The following AGTPBP1 variants were observed in gnomAD, a reference collection of about 807,000 sequenced individuals.
AGTPBP1 encodes cytosolic carboxypeptidase 1.
A neutral mutation model predicts 143.9 loss-of-function variants in AGTPBP1; 70 were observed. That is an observed-to-expected ratio of 0.49 (90% CI 0.40 to 0.59). The LOEUF is 0.59. Ranked by LOEUF, AGTPBP1 falls within the 20% of genes least tolerant of loss-of-function variation. AGTPBP1 has a pLI of 0.00. For synonymous variants in AGTPBP1, 463 were observed against 500.2 expected (o/e 0.93, Z 0.99); for missense variants, 1,229 against 1,464.5 (o/e 0.84, Z 2.62).
the AGTPBP1 span, chr9:85,773,771 A>T: frequency 1.2e-6 from 1 of 843,074 alleles, no homozygotes; most frequent in Admixed American, 2.6e-5. Flanking sequence ...AAGTAGCCTA[A>T]GAAAAGTAGA....
chr9:85,692,956 G>A lies in AGTPBP1; in HGVS notation c.33-143C>T, dbSNP rs371332618. On this transcript the variant is annotated intron_variant, in intron 2 of 25. Coordinates refer to ENST00000357081, the MANE Select transcript of AGTPBP1 (RefSeq NM_001330701.2). Reference sequence around the variant, plus strand: ...TCGCACTTCCTTACTCTGTTCTATAGCTTAATATAGCTTAATATTGTTCTA... The same window carrying A: ...TCGCACTTCCTTACTCTGTTCTATAACTTAATATAGCTTAATATTGTTCTA... 1.9e-5 allele frequency: 14 copies of A among 750,774 alleles called. 1 individual carries two copies. In the African/African-American group the frequency reaches 2.1e-4, roughly 11 times the overall value. The allele number at this position is 750,774 out of a possible 1,614,324, so 46.5% of individuals were successfully genotyped here.
chr9:85,578,007 A>G (rs1828005523), intron 24 of AGTPBP1, among the ~76,000 whole-genome samples: 1 of 152,188 alleles, frequency 6.6e-6, no homozygotes, highest in South Asian at 2.1e-4. Context: ...CTCTTTCCCC[A>G]TAACAAAAGA....
the AGTPBP1 span, among the ~76,000 whole-genome samples, chr9:85,802,418 C>T: frequency 4.6e-5 from 7 of 152,122 alleles, no homozygotes; most frequent in Admixed American, 6.6e-5. Context: ...TGCACATGAG[C>T]AACTGAATAT....
intron 1 of AGTPBP1, among the ~76,000 whole-genome samples, chr9:85,723,188 G>A (rs1272854221): frequency 6.6e-6 from 1 of 152,238 alleles, no homozygotes; most frequent in East Asian, 1.9e-4. Context: ...GCCATGCTGG[G>A]AGAGCCACTG....
chr9:85,719,570 T>C (rs1837962969), intron 1 of AGTPBP1, among the ~76,000 whole-genome samples: 1 of 152,158 alleles, frequency 6.6e-6, no homozygotes, highest in Non-Finnish European at 1.5e-5. Context: ...GCTCAGACAA[T>C]GGGGTTTTCT....
At chr9:85,716,150 A>C (rs1461013277) in intron 1 of AGTPBP1, among the ~76,000 whole-genome samples, 1 of 152,122 alleles carries the variant, frequency 6.6e-6, no homozygotes, top group Non-Finnish European at 1.5e-5. Context: ...TCAACAACTA[A>C]TGATCCCCAT....
chr9:85,727,009 C>G (rs1461846282), intron 1 of AGTPBP1, among the ~76,000 whole-genome samples: 1 of 152,064 alleles, frequency 6.6e-6, no homozygotes, highest in Non-Finnish European at 1.5e-5. Flanking sequence ...TTGAGCACCC[C>G]AAATCTGAAC....
At chr9:85,573,456 A>C (rs969524496) in intron 25 of AGTPBP1, among the ~76,000 whole-genome samples, 3 of 151,640 alleles carry the variant, frequency 2.0e-5, no homozygotes, top group Non-Finnish European at 4.4e-5. Context: ...GCCCGCTACA[A>C]CCTCCACCTC....
intron 25 of AGTPBP1, among the ~76,000 whole-genome samples, chr9:85,569,389 A>G (rs111981618): frequency 6.6e-5 from 10 of 152,160 alleles, no homozygotes; most frequent in African/African-American, 2.4e-4. Flanking sequence ...TGAATATACT[A>G]TATTATATTA....
At chr9:85,799,022 CG>C in the AGTPBP1 span, among the ~76,000 whole-genome samples, 21 of 152,086 alleles carry the variant, frequency 1.4e-4, no homozygotes, top group African/African-American at 5.1e-4. Context: ...TGATGTTCCC[CG>C]CCCTGTGTCC....
In AGTPBP1 at chr9:85,623,291, A is replaced by G. The variant is rs563551197; in HGVS notation, c.2016-2006T>C. On this transcript the variant is annotated intron_variant, in intron 14 of 25. Transcript: ENST00000357081. ...TAAAGGCTGGCAATTGGTTTAAAAA[A>G]AAAAATGCCACTCTGCAAGTTAAGC... Among the ~76,000 whole-genome samples the G allele has an allele frequency of 2.3e-4, 35 of 152,158 alleles. 1 individual carries two copies. The highest frequency in any genetic ancestry group is 8.5e-4 in the African/African-American group (35 of 41,416).
At chr9:85,789,189 T>C in the AGTPBP1 span, among the ~76,000 whole-genome samples, 7,938 of 152,210 alleles carry the variant, frequency 0.052, 718 homozygotes, top group African/African-American at 0.18. Context: ...ACAGATTTCA[T>C]GCCACATATG....
At chr9:85,753,281 G>C in the AGTPBP1 span, 1 of 1,612,682 alleles carries the variant, frequency 6.2e-7, no homozygotes, top group South Asian at 1.1e-5. Context: ...AAGCAATAAG[G>C]TGTTTTCAAT....
chr9:85,752,420 TG>T, the AGTPBP1 span, among the ~76,000 whole-genome samples: 1 of 152,190 alleles, frequency 6.6e-6, no homozygotes, highest in East Asian at 1.9e-4. Context: ...ATGGATGTCT[TG>T]GGTGGAGTAA....
intron 17 of AGTPBP1, among the ~76,000 whole-genome samples, chr9:85,603,569 G>C (rs922513910): frequency 9.2e-5 from 14 of 152,192 alleles, no homozygotes; most frequent in African/African-American, 2.4e-5. Context: ...CTGGCTTCAG[G>C]GGGTGGCCAC....
At chr9:85,704,007 A>G (rs1346627816) in intron 2 of AGTPBP1, among the ~76,000 whole-genome samples, 1 of 152,218 alleles carries the variant, frequency 6.6e-6, no homozygotes, top group Non-Finnish European at 1.5e-5. Context: ...AAAGTTAAAT[A>G]AGACAGAAGC....
chr9:85,760,756 A>G, the AGTPBP1 span, among the ~76,000 whole-genome samples: 2 of 152,118 alleles, frequency 1.3e-5, no homozygotes, highest in African/African-American at 4.8e-5. Context: ...CATAGTGTTG[A>G]AAGTTCTGGC....
chr9:85,742,351 C>T (rs1824411500), upstream of AGTPBP1, among the ~76,000 whole-genome samples: 1 of 152,020 alleles, frequency 6.6e-6, no homozygotes, highest in South Asian at 2.1e-4. Context: ...ACTAAGCCCG[C>T]GCCCACCCCC....
At chr9:85,785,165 T>C in the AGTPBP1 span, among the ~76,000 whole-genome samples, 78 of 152,126 alleles carry the variant, frequency 5.1e-4, 1 homozygote, top group Admixed American at 4.5e-3. Flanking sequence ...AAACCCCATC[T>C]CTACTAAAAA....
Sources: allele counts gnomAD v4.1 joint callset (sites outside exome capture counted in the v4.1 genomes callset), GRCh38; gene constraint gnomAD v4.1.1; transcripts MANE v1.5; gene names NCBI Gene and HGNC (gene_info 2026-07-23, HGNC 2026-07-21).